The following NELL1 variants were observed in gnomAD, a reference collection of about 807,000 sequenced individuals.
NELL1 encodes the protein protein kinase C-binding protein NELL1.
Under a neutral mutation model 107.4 loss-of-function variants are expected in NELL1, and 76 were observed. The ratio of observed to expected loss-of-function variants is 0.71; its 90% CI spans 0.59 to 0.86. The LOEUF is 0.86. Among genes scored for constraint, NELL1 ranks in the 40% least tolerant of loss-of-function variants. The probability of loss-of-function intolerance (pLI) is 0.00; values close to 1 mark genes in which losing one functional copy is unlikely to be tolerated. For missense variants in NELL1, 1,024 were observed against 1,005.5 expected, an observed-to-expected ratio of 1.02 and a Z score of -0.25; for synonymous variants, 353 against 341.2, an observed-to-expected ratio of 1.03 and a Z score of -0.38.
At chr11:20,800,582 G>C (rs1857262330) in intron 3 of NELL1, among the ~76,000 whole-genome samples, 1 of 152,146 alleles carries the variant, frequency 6.6e-6, no homozygotes, top group Non-Finnish European at 1.5e-5. Context: ...GTTCCTTGTA[G>C]ATTCTGGATA....
chr11:21,133,574 G>C (rs1050944916), intron 13 of NELL1, among the ~76,000 whole-genome samples: 2 of 152,140 alleles, frequency 1.3e-5, no homozygotes, highest in Admixed American at 1.3e-4. Context: ...GTCCAGAAGG[G>C]GCCCCAAGGT....
intron 15 of NELL1, among the ~76,000 whole-genome samples, chr11:21,490,734 A>G (rs1854782932): frequency 6.6e-6 from 1 of 152,124 alleles, no homozygotes. Flanking sequence ...TGCTGGGAAA[A>G]TTGGATATCC....
At chr11:20,762,975 C>T (rs981360230) in intron 2 of NELL1, among the ~76,000 whole-genome samples, 3 of 151,738 alleles carry the variant, frequency 2.0e-5, no homozygotes, top group African/African-American at 2.4e-5. Context: ...AAAAGTAAGC[C>T]GAAACACTTT....
chr11:20,972,163 G>A (rs890231942), intron 12 of NELL1, among the ~76,000 whole-genome samples: 1 of 152,012 alleles, frequency 6.6e-6, no homozygotes, highest in Non-Finnish European at 1.5e-5. Context: ...CAACCTGCAC[G>A]ACCTGTACAT....
At chr11:21,235,059 C>G (rs1858170231) in intron 14 of NELL1, among the ~76,000 whole-genome samples, 1 of 152,064 alleles carries the variant, frequency 6.6e-6, no homozygotes, top group African/African-American at 2.4e-5. Flanking sequence ...AAGCCTTTGG[C>G]AAAAGTACTT....
chr11:20,703,238 T>C (rs1447725069), intron 2 of NELL1, among the ~76,000 whole-genome samples: 3 of 152,210 alleles, frequency 2.0e-5, no homozygotes, highest in Admixed American at 2.0e-4. Context: ...GGAGGGTGTA[T>C]GTGTCGAGGA....
intron 15 of NELL1, among the ~76,000 whole-genome samples, chr11:21,416,071 C>T (rs1852511433): frequency 6.6e-6 from 1 of 152,004 alleles, no homozygotes; most frequent in African/African-American, 2.4e-5. Flanking sequence ...TGCTGTAACA[C>T]TCTAGGAAGG....
At chr11:20,728,411 T>C (rs1434705145) in intron 2 of NELL1, among the ~76,000 whole-genome samples, 1 of 152,188 alleles carries the variant, frequency 6.6e-6, no homozygotes, top group East Asian at 1.9e-4. Flanking sequence ...TGGTGTTTCC[T>C]AGGCTTTCTT....
chr11:20,928,647 A>G (rs1850552392), intron 9 of NELL1, among the ~76,000 whole-genome samples, 168 bp downstream of exon 9: 1 of 152,152 alleles, frequency 6.6e-6, no homozygotes, highest in African/African-American at 2.4e-5. Context: ...AATCACTTGC[A>G]ATGTGGCAGA....
At chr11:20,872,920 T>C (rs549585807) in intron 4 of NELL1, among the ~76,000 whole-genome samples, 3 of 152,262 alleles carry the variant, frequency 2.0e-5, no homozygotes, top group African/African-American at 4.8e-5. Flanking sequence ...AGATGGCTTT[T>C]GGATTCTTAC....
intron 2 of NELL1, among the ~76,000 whole-genome samples, chr11:20,706,158 A>G (rs899068997): frequency 1.3e-5 from 2 of 152,196 alleles, no homozygotes; most frequent in African/African-American, 2.4e-5. Context: ...CAGCCATCCC[A>G]TTACTGGGTT....
At chr11:21,024,331 A>G (rs185856216) in intron 12 of NELL1, among the ~76,000 whole-genome samples, 2 of 152,040 alleles carry the variant, frequency 1.3e-5, no homozygotes, top group Non-Finnish European at 2.9e-5. Flanking sequence ...ATTTGACTAC[A>G]TTGTCTGTTT....
intron 14 of NELL1, among the ~76,000 whole-genome samples, chr11:21,276,090 A>C (rs1848850638): frequency 6.6e-6 from 1 of 152,212 alleles, no homozygotes; most frequent in African/African-American, 2.4e-5. Context: ...GTATTCAATT[A>C]GGAAAAGAGG....
chr11:20,859,013 G>A (rs1475744954), intron 4 of NELL1, among the ~76,000 whole-genome samples: 1 of 152,190 alleles, frequency 6.6e-6, no homozygotes, highest in East Asian at 1.9e-4. Flanking sequence ...TTTGCCTGAG[G>A]AACGTGATTT....
chr11:20,895,868 G>C (rs1012480312), intron 5 of NELL1, among the ~76,000 whole-genome samples: 1 of 152,036 alleles, frequency 6.6e-6, no homozygotes, highest in African/African-American at 2.4e-5. Context: ...AGTTCCATCC[G>C]TGTTGCTGCA....
chr11:21,195,089 A>T lies in NELL1; in HGVS notation c.1427-34243A>T, dbSNP rs187720262. 2.6e-5 allele frequency among the ~76,000 whole-genome samples: 4 copies of T among 152,302 alleles called. No homozygotes were observed. The East Asian group carries it at 7.7e-4, about 29-fold the overall frequency. ...TGAGCTTCATTTTTCACTGGGAAAA[A>T]AATTATTACCTTTCAAGGTTGTTGT... On this transcript the variant is annotated intron_variant, in intron 13 of 19. Coordinates refer to ENST00000357134, the MANE Select transcript of NELL1 (RefSeq NM_006157.5).
intron 14 of NELL1, among the ~76,000 whole-genome samples, chr11:21,232,092 G>T (rs570489472): frequency 6.7e-6 from 1 of 148,402 alleles, no homozygotes; most frequent in East Asian, 2.0e-4. Flanking sequence ...TGAGGGTCAG[G>T]AGTTCTAGAC....
intron 15 of NELL1, among the ~76,000 whole-genome samples, chr11:21,465,351 C>G (rs1854001434): frequency 6.6e-6 from 1 of 152,038 alleles, no homozygotes; most frequent in Admixed American, 6.6e-5. Flanking sequence ...AGAGACTAAC[C>G]TAGAACTCAA....
intron 13 of NELL1, among the ~76,000 whole-genome samples, chr11:21,134,089 A>G (rs1855687669): frequency 1.3e-5 from 2 of 152,240 alleles, no homozygotes; most frequent in Admixed American, 1.3e-4. Context: ...CCGCTTTGAT[A>G]TGGCGAGTTT....
Sources: gnomAD v4.1 joint callset for allele counts (sites outside exome capture counted in the v4.1 genomes callset) on GRCh38, gnomAD v4.1.1 for gene constraint, MANE v1.5 for transcripts, NCBI Gene and HGNC (gene_info 2026-07-23, HGNC 2026-07-21) for gene names.